Variants in EGFL7 observed in about 807,000 individuals in gnomAD.
EGFL7 encodes epidermal growth factor-like protein 7.
In EGFL7, 48 loss-of-function variants were observed where a neutral mutation model predicts 37.1. That is an observed-to-expected ratio of 1.29 (90% CI 1.03 to 1.65). EGFL7 has a LOEUF of 1.65. EGFL7 is among the 40% of genes most tolerant of loss of function. EGFL7 has a pLI of 0.00. For synonymous variants in EGFL7, 180 were observed against 156.8 expected (o/e 1.15, Z -1.10); for missense variants, 384 against 378.9 (o/e 1.01, Z -0.11).
intron 9 of EGFL7, 102 bp from the exon 10 acceptor site, chr9:136,671,824 G>A: frequency 7.2e-7 from 1 of 1,384,354 alleles, no homozygotes; most frequent in South Asian, 1.6e-5. Context: ...CGGAGGCGGG[G>A]GCTGGAGGCT....
At chr9:136,671,483 G>C (rs1845893295) in intron 9 of EGFL7, among the ~76,000 whole-genome samples, 1 of 152,036 alleles carries the variant, frequency 6.6e-6, no homozygotes. Context: ...GACTGCCGAG[G>C]GGGCCCTGGC....
chr9:136,672,453 C>A lies in EGFL7; in HGVS notation c.*167C>A. On this transcript the variant is annotated 3_prime_UTR_variant, in exon 11 of 11. Transcript: ENST00000308874. ...CCCTTCCTCGGGAGGCTCCCCAGAC[C>A]CTGGCATGGGATGGGCTGGGATCTT... The A allele has an allele frequency of 1.3e-6, 1 of 794,216 alleles. No individual in the cohort carries two copies. Among genetic ancestry groups the A allele is most frequent in the Non-Finnish European group, 2.0e-6 (1 of 494,092 alleles). The allele number at this position is 794,216 out of a possible 1,614,324, so 49.2% of individuals were successfully genotyped here. A position where few individuals can be genotyped will look rare whatever the true frequency, so the allele number is the denominator to read the frequency against.
chr9:136,670,412 G>A (rs1845771453), intron 8 of EGFL7, 82 bp downstream of exon 8: 19 of 1,452,522 alleles, frequency 1.3e-5, no homozygotes, highest in Non-Finnish European at 1.6e-5. Context: ...ATGGTGGGGG[G>A]CACTGGAATC....
At chr9:136,659,711 G>C (rs983930884), upstream of EGFL7, 1 of 152,422 alleles carries the variant, frequency 6.6e-6, no homozygotes, top group Non-Finnish European at 1.5e-5. Flanking sequence ...TGGCCCTGCT[G>C]ACAAGAGAGA....
In EGFL7 at chr9:136,663,001, CT is replaced by C. The variant is rs1179824642; in HGVS notation, c.-459del. ...CAGGCAGGTGGGCCTCAGGAGGTGC[CT>C]CCAGGCGGCCAGTGGGCCTGAGGCC... On this transcript the variant is annotated 5_prime_UTR_variant, in exon 1 of 11. Coordinates refer to ENST00000308874, the MANE Select transcript of EGFL7 (RefSeq NM_016215.5). 6.6e-6 allele frequency: 1 copy of C among 152,400 alleles called. No individual in the cohort carries two copies. The highest frequency in any genetic ancestry group is 1.5e-5 in the Non-Finnish European group (1 of 68,148). 9.4% of individuals were successfully genotyped at this position (152,400 alleles called of 1,614,324 possible).
At chr9:136,671,131 G>A (rs1362778695) in intron 9 of EGFL7, 117 bp downstream of exon 9, 15 of 791,686 alleles carry the variant, frequency 1.9e-5, no homozygotes, top group East Asian at 1.0e-4. Context: ...GTGAGGCATC[G>A]GGGGGGTAGG....
rs1588248229 is a variant in EGFL7 at position 136,670,976 on chromosome 9, G to C, written c.598G>C (p.Val200Leu). 5 of 1,502,782 alleles carry C rather than the reference G, an allele frequency of 3.3e-6. No homozygotes were observed. The highest frequency in any genetic ancestry group is 8.8e-7 in the Non-Finnish European group (1 of 1,130,704). The allele number at this position is 1,502,782 out of a possible 1,614,324, so 93.1% of individuals were successfully genotyped here. Residue 200 changes from valine (V) to leucine (L), a missense_variant, in exon 9 of 11, where the codon GTG (valine) becomes CTG (leucine). Val to Leu is a conservative substitution (Grantham distance 32). Transcript: ENST00000308874. ...TGVDSAMKEE[V>L]QRLQSRVDLL... The stretch of plus-strand genomic sequence containing the variant: ...AGTGGACAGTGCAATGAAGGAAGAA[G>C]TGCAGAGGCTGCAGTCCAGGGTGGA...
chr9:136,661,927 G>A (rs1845170112), upstream of EGFL7, among the ~76,000 whole-genome samples: 1 of 152,216 alleles, frequency 6.6e-6, no homozygotes, highest in Non-Finnish European at 1.5e-5. Context: ...GGACAGCGGG[G>A]TTGGGAGAGG....
chr9:136,665,575 G>C (rs1348040740), intron 3 of EGFL7, among the ~76,000 whole-genome samples: 6 of 152,160 alleles, frequency 3.9e-5, no homozygotes, highest in Admixed American at 3.3e-4. Context: ...ATTCCCGGAG[G>C]GGGTGCTGGC....
intron 7 of EGFL7, 24 bp from the exon 8 acceptor site, chr9:136,670,145 C>T (rs769268878): frequency 1.9e-5 from 31 of 1,612,386 alleles, no homozygotes; most frequent in Non-Finnish European, 2.6e-5. Flanking sequence ...CAGGCATGGC[C>T]GCCTGACACC....
chr9:136,670,519 T>A, intron 8 of EGFL7, 189 bp downstream of exon 8: 1 of 839,408 alleles, frequency 1.2e-6, no homozygotes, highest in Non-Finnish European at 2.0e-6. Context: ...GCCCGGAGCC[T>A]CATATCAGCC....
chr9:136,670,013 A>ATGAATGCAGTGCTAGGAGGGGC lies in EGFL7; in HGVS notation c.409+4_409+5insTGAATGCAGTGCTAGGAGGGGC. The ATGAATGCAGTGCTAGGAGGGGC allele has an allele frequency of 1.3e-6, 2 of 1,593,026 alleles. No homozygotes were observed. The highest frequency in any genetic ancestry group is 1.3e-5 in the African/African-American group (1 of 74,738). On this transcript the variant is annotated splice_donor_region_variant and intron_variant, in intron 7 of 10. Coordinates refer to ENST00000308874, the MANE Select transcript of EGFL7 (RefSeq NM_016215.5). ...CGGGGTGACACTTGCCAGTCAGGTGAGGCTGGCTCTACCCTGGGGGGCCCT... is the reference window on the plus strand; with the variant it reads ...CGGGGTGACACTTGCCAGTCAGGTGATGAATGCAGTGCTAGGAGGGGCGGCTGGCTCTACCCTGGGGGGCCCT...
upstream of EGFL7, among the ~76,000 whole-genome samples, chr9:136,662,644 A>C (rs1588220416): frequency 6.7e-6 from 1 of 149,860 alleles, no homozygotes; most frequent in South Asian, 2.1e-4. Context: ...TCCACCCCAC[A>C]CTCTCCCCAG....
upstream of EGFL7, among the ~76,000 whole-genome samples, chr9:136,662,381 T>A (rs1489861336): frequency 6.6e-6 from 1 of 152,172 alleles, no homozygotes; most frequent in Non-Finnish European, 1.5e-5. Flanking sequence ...GCTCAGCCTG[T>A]CTTGCCACCC....
rs755000645 is a variant in EGFL7 at position 136,670,931 on chromosome 9, C to A, written c.572-19C>A. Reference sequence around the variant, plus strand: ...GGGGAGCCGGCCGGCCGTGACCCAGCGCCTGGCTCTGCCCGCAGGAGTGGA... The same window carrying A: ...GGGGAGCCGGCCGGCCGTGACCCAGAGCCTGGCTCTGCCCGCAGGAGTGGA... On this transcript the variant is annotated intron_variant, in intron 8 of 10. Coordinates refer to ENST00000308874, the MANE Select transcript of EGFL7 (RefSeq NM_016215.5). The A allele has an allele frequency of 6.4e-7, 1 of 1,550,870 alleles. No homozygotes were observed. The highest frequency in any genetic ancestry group is 2.5e-5 in the East Asian group (1 of 40,788).
chr9:136,665,679 T>A (rs1283366750), intron 3 of EGFL7: 1 of 143,478 alleles, frequency 7.0e-6, no homozygotes, highest in Non-Finnish European at 1.5e-5. Context: ...GGGCCTCAGT[T>A]TCCCCGTCTG....
upstream of EGFL7, among the ~76,000 whole-genome samples, chr9:136,661,704 G>C (rs1031726954): frequency 3.9e-5 from 6 of 152,184 alleles, no homozygotes; most frequent in African/African-American, 1.4e-4. Flanking sequence ...CTGCTTGAGG[G>C]GGAGGCGCAT....
chr9:136,660,433 C>T (rs1178276755), upstream of EGFL7: 2 of 152,390 alleles, frequency 1.3e-5, no homozygotes, highest in Non-Finnish European at 2.9e-5. Context: ...GCCTCCTTCC[C>T]TTGGGGAGGG....
In EGFL7 at chr9:136,672,491, AC is replaced by A; in HGVS notation, c.*209del. On this transcript the variant is annotated 3_prime_UTR_variant, in exon 11 of 11. Coordinates refer to ENST00000308874, the MANE Select transcript of EGFL7 (RefSeq NM_016215.5). ...GGGCTGGGATCTTCTCTGTGAATCC[AC>A]CCCTGGCTACCCCCACCCTGGCTAC... 1 of 632,272 alleles carries A rather than the reference AC, an allele frequency of 1.6e-6. No homozygotes were observed. The highest frequency in any genetic ancestry group is 2.7e-6 in the Non-Finnish European group (1 of 366,380). 39.2% of individuals were successfully genotyped at this position (632,272 alleles called of 1,614,324 possible). A position where few individuals can be genotyped will look rare whatever the true frequency, so the allele number is the denominator to read the frequency against.
Sources: gnomAD v4.1 joint callset for allele counts (sites outside exome capture counted in the v4.1 genomes callset) on GRCh38, gnomAD v4.1.1 for gene constraint, MANE v1.5 for transcripts, NCBI Gene and HGNC (gene_info 2026-07-23, HGNC 2026-07-21) for gene names.